The following GFPT1 variants were observed in gnomAD, a reference collection of about 807,000 sequenced individuals.
GFPT1 encodes glutamine--fructose-6-phosphate transaminase 1.
A neutral mutation model predicts 92.0 loss-of-function variants in GFPT1; 40 were observed. The ratio of observed to expected loss-of-function variants is 0.43; its 90% CI spans 0.34 to 0.57. The LOEUF (loss-of-function observed/expected upper bound fraction) is 0.57, where lower values mean the gene tolerates loss of function less well. GFPT1 is among the 20% of genes least tolerant of loss of function. The pLI is 0.02. For synonymous variants in GFPT1, 269 were observed against 280.6 expected (o/e 0.96, Z 0.41); for missense variants, 448 against 869.1 (o/e 0.52, Z 6.09).
At chr2:69,360,673 C>CT (rs1671450697) in intron 4 of GFPT1, among the ~76,000 whole-genome samples, 1 of 152,014 alleles carries the variant, frequency 6.6e-6, no homozygotes, top group Non-Finnish European at 1.5e-5. Context: ...TGAAGCAATC[C>CT]TCCCACTTCA....
chr2:69,324,688 AAAG>A lies in GFPT1; in HGVS notation c.*1498_*1500del, dbSNP rs1670489254. The A allele has an allele frequency of 6.6e-6, 1 of 152,206 alleles. No individual in the cohort carries two copies. The allele number at this position is 152,206 out of a possible 1,614,324, so 9.4% of individuals were successfully genotyped here. A position where few individuals can be genotyped will look rare whatever the true frequency, so the allele number is the denominator to read the frequency against. Reference sequence around the variant, plus strand: ...AGAAGTTAAAACAAGAAAAGAAAGAAAAGAAAGGAAAAAACAGCTTACTTAAAT... The same window carrying A: ...AGAAGTTAAAACAAGAAAAGAAAGAAAAAGGAAAAAACAGCTTACTTAAAT... On this transcript the variant is annotated 3_prime_UTR_variant, in exon 20 of 20. Transcript: ENST00000357308.
intron 14 of GFPT1, 60 bp from the exon 15 acceptor site, chr2:69,338,115 A>C (rs1670845693): frequency 2.7e-6 from 4 of 1,472,958 alleles, no homozygotes; most frequent in Non-Finnish European, 2.9e-6. Flanking sequence ...GCTGTTTCTT[A>C]GGAGCAAAAA....
intron 9 of GFPT1, among the ~76,000 whole-genome samples, chr2:69,350,675 G>C (rs952778279): frequency 1.6e-4 from 24 of 152,136 alleles, no homozygotes; most frequent in African/African-American, 5.8e-4. Context: ...GGCCGAGGCA[G>C]GTGAATCACT....
intron 16 of GFPT1, 43 bp downstream of exon 16, chr2:69,329,641 C>T (rs767566321): frequency 7.8e-7 from 1 of 1,282,604 alleles, no homozygotes; most frequent in Admixed American, 1.7e-5. Context: ...CTATTACCCA[C>T]TCCCTTAGAC....
In GFPT1 at chr2:69,332,088, A is replaced by G. The variant is rs142697446; in HGVS notation, c.1483-2290T>C. Among the ~76,000 whole-genome samples, 919 of 151,952 alleles carry G rather than the reference A, an allele frequency of 6.0e-3. 10 individuals are homozygous for G. The highest frequency in any genetic ancestry group is 0.02 in the African/African-American group (822 of 41,460). ...TTATTTTTTTAACATTTTCCTTTTT[A>G]GCCTGTTTGAAATTAATTTTAGTGC... is the stretch of plus-strand genomic sequence containing the variant. On this transcript the variant is annotated intron_variant, in intron 15 of 19. Transcript: ENST00000357308.
intron 13 of GFPT1, among the ~76,000 whole-genome samples, chr2:69,340,239 T>C (rs1014042344): frequency 6.6e-6 from 1 of 150,702 alleles, no homozygotes; most frequent in African/African-American, 2.4e-5. Flanking sequence ...TCTAGGGCAC[T>C]GTGGCCTCAA....
intron 1 of GFPT1, among the ~76,000 whole-genome samples, chr2:69,377,425 C>T (rs962607104): frequency 2.7e-5 from 4 of 147,850 alleles, no homozygotes; most frequent in East Asian, 2.0e-4. Flanking sequence ...CCGAGGCGGG[C>T]GGATCACGAG....
intron 3 of GFPT1, 29 bp downstream of exon 3, chr2:69,369,971 AG>A: frequency 1.7e-6 from 2 of 1,210,220 alleles, no homozygotes; most frequent in Non-Finnish European, 2.5e-6. Context: ...AGAAGGGGAA[AG>A]GGGACAAAAA....
chr2:69,349,345 A>G (rs1671155271), intron 10 of GFPT1, among the ~76,000 whole-genome samples: 2 of 152,224 alleles, frequency 1.3e-5, no homozygotes, highest in South Asian at 4.1e-4. Context: ...ATAACTGTCA[A>G]CTGTGTAATC....
At chr2:69,340,139 A>AATTTTTTTTTTTTT (rs1558740388) in intron 13 of GFPT1, among the ~76,000 whole-genome samples, 1 of 124,168 alleles carries the variant, frequency 8.1e-6, no homozygotes, top group Non-Finnish European at 1.6e-5. Flanking sequence ...AGTTGGGGCA[A>AATTTTTTTTTTTTT]CTTTTTTTTT....
chr2:69,380,359 A>G (rs1433955197), intron 1 of GFPT1, among the ~76,000 whole-genome samples: 1 of 152,164 alleles, frequency 6.6e-6, no homozygotes, highest in Non-Finnish European at 1.5e-5. Flanking sequence ...TAAAAAATGT[A>G]AAAGTAAAAT....
intron 10 of GFPT1, 49 bp from the exon 11 acceptor site, chr2:69,348,383 T>C: frequency 7.2e-7 from 1 of 1,386,668 alleles, no homozygotes; most frequent in South Asian, 1.2e-5. Flanking sequence ...AGGATCATTA[T>C]TACAAATGAA....
In GFPT1 at chr2:69,359,179, G is replaced by A. The variant is rs964785276; in HGVS notation, c.408+89C>T. The A allele has an allele frequency of 9.0e-6, 7 of 776,794 alleles. No individual in the cohort carries two copies. In the African/African-American group the frequency reaches 1.2e-4, roughly 13 times the overall value. The allele number at this position is 776,794 out of a possible 1,614,324, so 48.1% of individuals were successfully genotyped here. A position where few individuals can be genotyped will look rare whatever the true frequency, so the allele number is the denominator to read the frequency against. On this transcript the variant is annotated intron_variant, in intron 5 of 19. Transcript: ENST00000357308. The stretch of plus-strand genomic sequence containing the variant: ...GAAATTAATTGATGACACACATATG[G>A]TGTTTGTTGCACATCCCAACAACCG...
chr2:69,332,065 AT>A (rs1277239875), intron 15 of GFPT1, among the ~76,000 whole-genome samples: 1 of 151,760 alleles, frequency 6.6e-6, no homozygotes, highest in Non-Finnish European at 1.5e-5. Flanking sequence ...GTTCCTTTTT[AT>A]TTTTTTAACA....
chr2:69,379,667 A>G (rs965906970), intron 1 of GFPT1, among the ~76,000 whole-genome samples: 5 of 151,728 alleles, frequency 3.3e-5, no homozygotes, highest in African/African-American at 1.2e-4. Flanking sequence ...CCTCCCAAGT[A>G]GCTGGGACCA....
intron 3 of GFPT1, among the ~76,000 whole-genome samples, chr2:69,366,777 T>C (rs1671620912): frequency 6.6e-6 from 1 of 152,224 alleles, no homozygotes; most frequent in Non-Finnish European, 1.5e-5. Flanking sequence ...GCTAACTCCT[T>C]GCCTGTGCCT....
chr2:69,356,429 C>G, intron 7 of GFPT1, 67 bp downstream of exon 7: 1 of 1,077,510 alleles, frequency 9.3e-7, no homozygotes, highest in Non-Finnish European at 1.5e-6. Flanking sequence ...CATGTATAGT[C>G]TACGAAGAAT....
chr2:69,351,020 T>C (rs374601748), intron 9 of GFPT1, among the ~76,000 whole-genome samples: 1 of 152,158 alleles, frequency 6.6e-6, no homozygotes, highest in East Asian at 1.9e-4. Flanking sequence ...AATCAAGTTG[T>C]AGTCTACACT....
rs79296658 is a variant in GFPT1 at position 69,338,324 on chromosome 2, C to G, written c.1324+121G>C. ...AGAATTATGTAACATTAAAATAAAT[C>G]TGTATTCGTCAAGTCATCTGCAATG... is the stretch of plus-strand genomic sequence containing the variant. On this transcript the variant is annotated intron_variant, in intron 14 of 19. Transcript: ENST00000357308. 32,127 of 852,066 alleles carry G rather than the reference C, an allele frequency of 0.038. 812 individuals carry two copies. The highest frequency in any genetic ancestry group is 0.049 in the Non-Finnish European group (25,275 of 515,884). The allele number at this position is 852,066 out of a possible 1,614,324, so 52.8% of individuals were successfully genotyped here. A position where few individuals can be genotyped will look rare whatever the true frequency, so the allele number is the denominator to read the frequency against.
Sources: allele counts gnomAD v4.1 joint callset (sites outside exome capture counted in the v4.1 genomes callset), GRCh38; gene constraint gnomAD v4.1.1; transcripts MANE v1.5; gene names NCBI Gene and HGNC (gene_info 2026-07-23, HGNC 2026-07-21).